Variants in PARD3B observed in about 807,000 individuals in gnomAD.
PARD3B encodes the protein par-3 family cell polarity regulator beta.
Under a neutral mutation model 130.2 loss-of-function variants are expected in PARD3B, and 103 were observed. The observed-to-expected ratio is 0.79, with a 90% CI of 0.67 to 0.93. The LOEUF (loss-of-function observed/expected upper bound fraction) is 0.93. PARD3B is among the 40% of genes least tolerant of loss of function. PARD3B has a pLI of 0.00. For missense variants in PARD3B, 1,609 were observed against 1,499.2 expected (o/e 1.07, Z -1.21); for synonymous variants, 583 against 553.2 (o/e 1.05, Z -0.76).
chr2:205,615,873 T>C lies in PARD3B; in HGVS notation c.*60T>C. 2 of 1,406,610 alleles carry C rather than the reference T, an allele frequency of 1.4e-6. No homozygotes were observed. The highest frequency in any genetic ancestry group is 2.7e-5 in the South Asian group (2 of 74,282). 87.1% of individuals were successfully genotyped at this position (1,406,610 alleles called of 1,614,324 possible). On this transcript the variant is annotated 3_prime_UTR_variant, in exon 23 of 23. Transcript: ENST00000406610. ...GAAGGTGTCTACTCTACCTTTGCCC[T>C]TTCTAAACCTGAAGACCTCCTTGGT... is the stretch of plus-strand genomic sequence containing the variant.
chr2:205,263,941 A>C lies in PARD3B; in HGVS notation c.2185+18119A>C, dbSNP rs1001055288. The stretch of plus-strand genomic sequence containing the variant: ...TTAGACAAAGAGTAATGAGAAGTGG[A>C]AGAAGATTGTCAGAGAGAATAGGAC... On this transcript the variant is annotated intron_variant, in intron 16 of 22. Transcript: ENST00000406610. This position sits in a 1 kb window ranked among gnomAD's most constrained non-coding sequence, Gnocchi z 4.0. 1.3e-5 allele frequency among the ~76,000 whole-genome samples: 2 copies of C among 151,162 alleles called. No individual in the cohort carries two copies. Among genetic ancestry groups the C allele is most frequent in the African/African-American group, 4.9e-5 (2 of 41,134 alleles).
intron 16 of PARD3B, among the ~76,000 whole-genome samples, chr2:205,257,252 C>G (rs16837126): frequency 0.11 from 17,347 of 151,852 alleles, 1,084 homozygotes; most frequent in African/African-American, 0.17. Flanking sequence ...AAACAGCTTA[C>G]AAATTTCACC....
chr2:204,807,867 G>A (rs1486187416), intron 2 of PARD3B, among the ~76,000 whole-genome samples: 1 of 151,850 alleles, frequency 6.6e-6, no homozygotes, highest in Admixed American at 6.6e-5. Context: ...GGGTAGTGGG[G>A]ATAGAATGAG....
rs897562584 is a variant in PARD3B at position 204,626,442 on chromosome 2, C to A, written c.121-59739C>A. 2.6e-5 allele frequency among the ~76,000 whole-genome samples: 4 copies of A among 152,070 alleles called. 1 individual carries two copies. The East Asian group carries it at 5.8e-4, about 22-fold the overall frequency. On this transcript the variant is annotated intron_variant, in intron 1 of 22. Transcript: ENST00000406610. Reference sequence around the variant, plus strand: ...GCTACTACTGTGGCAAATGTTTCCACCAAAAATGCTTGATATTGCTATTTG... The same window carrying A: ...GCTACTACTGTGGCAAATGTTTCCAACAAAAATGCTTGATATTGCTATTTG...
intron 1 of PARD3B, among the ~76,000 whole-genome samples, chr2:204,640,049 T>C (rs1440118434): frequency 6.6e-6 from 1 of 151,694 alleles, no homozygotes; most frequent in Non-Finnish European, 1.5e-5. Context: ...AGCCCAGGAG[T>C]TCGAGACCAG....
At chr2:205,449,581 C>T (rs2048029312) in intron 20 of PARD3B, among the ~76,000 whole-genome samples, 1 of 152,078 alleles carries the variant, frequency 6.6e-6, no homozygotes, top group Admixed American at 6.6e-5. Flanking sequence ...TCCATTTAGA[C>T]TTAATTATGC....
At position 205,525,862 on chromosome 2, in the gene PARD3B, T is replaced by A. The variant is rs755079407; in HGVS notation, c.3180+25831T>A. Among the ~76,000 whole-genome samples the A allele has an allele frequency of 1.3e-5, 2 of 152,220 alleles. No homozygotes were observed. Among genetic ancestry groups the A allele is most frequent in the Non-Finnish European group, 2.9e-5 (2 of 68,034 alleles). On this transcript the variant is annotated intron_variant, in intron 21 of 22. Coordinates refer to ENST00000406610, the MANE Select transcript of PARD3B (RefSeq NM_001302769.2). The surrounding 1 kb of genome is among the most constrained non-coding windows in gnomAD (Gnocchi z 4.2). ...ATTCTGCCTATGGGTCCACGTTGTG[T>A]ACCCAGTCCCGGGAAGGTGCAAGAA...
chr2:205,088,186 G>T (rs1701859576), intron 4 of PARD3B, among the ~76,000 whole-genome samples: 1 of 152,124 alleles, frequency 6.6e-6, no homozygotes, highest in South Asian at 2.1e-4. Flanking sequence ...GTCATCATTA[G>T]CACCCTAATG....
intron 2 of PARD3B, among the ~76,000 whole-genome samples, chr2:204,773,919 A>G (rs2041500640): frequency 6.6e-6 from 1 of 152,076 alleles, no homozygotes; most frequent in African/African-American, 2.4e-5. Context: ...TAGAATTCAG[A>G]GTGCTTGTCA....
rs1553657231 is a variant in PARD3B, at chr2:205,279,089, A to AAC, written c.2186-21440_2186-21439insCA. On this transcript the variant is annotated intron_variant, in intron 16 of 22. Transcript: ENST00000406610. ...CTGTCTCAAAAAAAAAAAAAAAAAA[A>AAC]AAAAAAACAGTTGTTCATTGCCCAA... 5.6e-4 allele frequency among the ~76,000 whole-genome samples: 84 copies of AAC among 149,492 alleles called. 2 individuals carry two copies. Among genetic ancestry groups the AAC allele is most frequent in the African/African-American group, 2.0e-3 (81 of 39,870 alleles).
At chr2:204,554,774 C>G (rs930162957) in intron 1 of PARD3B, among the ~76,000 whole-genome samples, 1 of 151,980 alleles carries the variant, frequency 6.6e-6, no homozygotes, top group Non-Finnish European at 1.5e-5. Context: ...TCCTAAATGG[C>G]CTTGGAAGTG....
rs570130498 is a variant in PARD3B at position 205,002,752 on chromosome 2, G to A, written c.394+37429G>A. On this transcript the variant is annotated intron_variant, in intron 3 of 22. Coordinates refer to ENST00000406610, the MANE Select transcript of PARD3B (RefSeq NM_001302769.2). ...TTTCCCCTGCTTCATATCATCTAGT[G>A]GCTCCCCCTTTCATTCAGAGGAAAA... 2.6e-5 allele frequency among the ~76,000 whole-genome samples: 4 copies of A among 152,230 alleles called. No homozygotes were observed. The South Asian group carries it at 8.3e-4, about 32-fold the overall frequency.
chr2:205,037,319 TGGACTATTTGTATAAAATATATATAGTG>T (rs1361035919), intron 3 of PARD3B, among the ~76,000 whole-genome samples: 1 of 145,328 alleles, frequency 6.9e-6, no homozygotes, highest in Non-Finnish European at 1.5e-5. Context: ...ATATATATAG[TGGACTATTTGTATAAAATATATATAGTG>T]GACTATTTGT....
intron 1 of PARD3B, among the ~76,000 whole-genome samples, chr2:204,595,866 G>T (rs1349091137): frequency 3.9e-5 from 6 of 152,108 alleles, no homozygotes; most frequent in African/African-American, 1.4e-4. Context: ...TATGCTATTG[G>T]GCTCAATTTG....
chr2:205,193,309 G>A lies in PARD3B; in HGVS notation c.2129G>A (p.Ser710Asn). ...PESINLKASK[S>N]MDLVPDESKV... is the part of the protein sequence containing the mutation. ...TCAATTAATTTGAAAGCCTCGAAGA[G>A]CATGGACCTTGGTAAGCAAGGGTGA... The change falls in exon 15 of 23, where the codon AGC (serine) becomes AAC (asparagine). Residue 710 changes from serine to asparagine, a missense_variant. Transcript: ENST00000406610. The A allele has an allele frequency of 6.2e-7, 1 of 1,607,620 alleles. No homozygotes were observed. Among genetic ancestry groups the A allele is most frequent in the Non-Finnish European group, 8.5e-7 (1 of 1,174,106 alleles).
intron 3 of PARD3B, among the ~76,000 whole-genome samples, chr2:204,989,360 G>A (rs1033119843): frequency 2.0e-5 from 3 of 152,108 alleles, no homozygotes; most frequent in Non-Finnish European, 4.4e-5. Context: ...GATGGAACCA[G>A]AACTGGAAGC....
intron 2 of PARD3B, among the ~76,000 whole-genome samples, chr2:204,727,886 C>T (rs1261541719): frequency 6.6e-6 from 1 of 152,090 alleles, no homozygotes; most frequent in Non-Finnish European, 1.5e-5. Flanking sequence ...TGTAGACTGG[C>T]CAGACCACTC....
At position 205,252,834 on chromosome 2, in the gene PARD3B, A is replaced by AG. The variant is rs1329363985; in HGVS notation, c.2185+7015dup. On this transcript the variant is annotated intron_variant, in intron 16 of 22. Transcript: ENST00000406610. ...CAATCTTTTGGTTGTAGGAACCTGA[A>AG]GGGACCCCCCCCCCCCACCAAAAAA... Among the ~76,000 whole-genome samples the AG allele has an allele frequency of 6.5e-5, 7 of 107,604 alleles. No individual in the cohort carries two copies. The Admixed American group carries it at 8.1e-4, about 12-fold the overall frequency. The allele number at this position is 107,604 out of a possible 152,430, so 70.6% of individuals were successfully genotyped here.
Position 205,172,194 on chromosome 2 carries a change from C to A in PARD3B, c.1621-17C>A. The A allele has an allele frequency of 6.2e-7, 1 of 1,611,610 alleles. No individual in the cohort carries two copies. Among genetic ancestry groups the A allele is most frequent in the Non-Finnish European group, 8.5e-7 (1 of 1,178,116 alleles). On this transcript the variant is annotated splice_polypyrimidine_tract_variant and intron_variant, in intron 11 of 22. Transcript: ENST00000406610. ...ACTTTTCTCTGTTGAATATTGTTTT[C>A]CTTTCTTCTGCCTTAGGATGGTCGT...
Sources: allele counts gnomAD v4.1 joint callset (sites outside exome capture counted in the v4.1 genomes callset), GRCh38; gene constraint gnomAD v4.1.1; non-coding constraint Gnocchi (gnomAD v3.1); transcripts MANE v1.5; gene names NCBI Gene and HGNC (gene_info 2026-07-23, HGNC 2026-07-21).